The following SRPK2 variants were observed in gnomAD, a reference collection of about 807,000 sequenced individuals.
SRPK2 encodes SRSF protein kinase 2, also known as SFRS protein kinase 2.
A neutral mutation model predicts 90.8 loss-of-function variants in SRPK2; 21 were observed. That is an observed-to-expected ratio of 0.23 (90% CI 0.16 to 0.33). The LOEUF is 0.33. Among genes scored for constraint, SRPK2 ranks in the 10% least tolerant of loss-of-function variants. The probability of loss-of-function intolerance (pLI) is 1.00; values close to 1 mark genes in which losing one functional copy is unlikely to be tolerated. For missense variants in SRPK2, 620 were observed against 869.0 expected, an observed-to-expected ratio of 0.71 and a Z score of 3.60; for synonymous variants, 288 against 311.1, an observed-to-expected ratio of 0.93 and a Z score of 0.78.
chr7:105,282,772 G>C (rs562992298), intron 2 of SRPK2, among the ~76,000 whole-genome samples: 1 of 152,056 alleles, frequency 6.6e-6, no homozygotes, highest in Non-Finnish European at 1.5e-5. Flanking sequence ...CTGGGCAACA[G>C]AGTGAGACTC....
intron 2 of SRPK2, among the ~76,000 whole-genome samples, chr7:105,359,750 C>T (rs768902151): frequency 2.0e-5 from 3 of 152,152 alleles, no homozygotes; most frequent in Non-Finnish European, 2.9e-5. Context: ...CAACCCCCAC[C>T]TTTTTTGCCA....
chr7:105,181,384 T>C (rs899093092), intron 3 of SRPK2, among the ~76,000 whole-genome samples: 1 of 152,190 alleles, frequency 6.6e-6, no homozygotes, highest in Admixed American at 6.5e-5. Flanking sequence ...GAAAGGAATA[T>C]AAACTGTTCT....
At chr7:105,258,417 CAAAA>C (rs33941320) in intron 2 of SRPK2, among the ~76,000 whole-genome samples, 56 of 121,612 alleles carry the variant, frequency 4.6e-4, no homozygotes, top group Non-Finnish European at 5.8e-4. Flanking sequence ...AACTCGGTCT[CAAAA>C]AAAAAAAAAA....
At chr7:105,222,247 T>C (rs1189882233) in intron 2 of SRPK2, among the ~76,000 whole-genome samples, 1 of 152,246 alleles carries the variant, frequency 6.6e-6, no homozygotes, top group Non-Finnish European at 1.5e-5. Context: ...AAATTCTGTG[T>C]AGCACTCTAA....
chr7:105,298,650 AGGCCCCATAG>A, intron 2 of SRPK2: 2 of 839,694 alleles, frequency 2.4e-6, no homozygotes, highest in Non-Finnish European at 2.9e-6. Flanking sequence ...TCAAATAAAA[AGGCCCCATAG>A]GATAGCATGG....
chr7:105,340,242 G>A (rs1371436340), intron 2 of SRPK2, among the ~76,000 whole-genome samples: 3 of 145,070 alleles, frequency 2.1e-5, no homozygotes, highest in South Asian at 2.3e-4. Context: ...GCATTATGCC[G>A]TACCACAAAA....
chr7:105,120,895 C>T lies in SRPK2; in HGVS notation c.1916-2873G>A, dbSNP rs557938357. Among the ~76,000 whole-genome samples, 5 of 152,226 alleles carry T rather than the reference C, an allele frequency of 3.3e-5. No individual in the cohort carries two copies. The East Asian group carries it at 9.6e-4, about 29-fold the overall frequency. On this transcript the variant is annotated intron_variant, in intron 15 of 15. Coordinates refer to ENST00000393651, the MANE Select transcript of SRPK2 (RefSeq NM_182692.3). ...GGGCTCACTGAATGAGTGAGGGTCT[C>T]GAGTCCATGAGCCAGCTCCAGCCCT...
At chr7:105,369,123 ATT>A (rs1307826918) in intron 2 of SRPK2, among the ~76,000 whole-genome samples, 1 of 111,646 alleles carries the variant, frequency 9.0e-6, no homozygotes. Context: ...CACAAGATTT[ATT>A]TTATTATTAT....
intron 1 of SRPK2, among the ~76,000 whole-genome samples, chr7:105,397,531 T>C (rs1025302920): frequency 6.6e-6 from 1 of 151,712 alleles, no homozygotes. Context: ...GGTTTCACCA[T>C]ATTGGCGAGG....
At chr7:105,364,348 C>CA (rs1818772584) in intron 2 of SRPK2, among the ~76,000 whole-genome samples, 1 of 151,278 alleles carries the variant, frequency 6.6e-6, no homozygotes, top group Non-Finnish European at 1.5e-5. Flanking sequence ...GATGGTCTCT[C>CA]TATTGAGTTC....
intron 2 of SRPK2, among the ~76,000 whole-genome samples, chr7:105,282,044 C>T (rs759907452): frequency 4.6e-5 from 7 of 152,098 alleles, no homozygotes; most frequent in Non-Finnish European, 7.3e-5. Flanking sequence ...ACTCACACTT[C>T]GTAGTCAGTT....
intron 2 of SRPK2, among the ~76,000 whole-genome samples, chr7:105,337,896 G>A (rs1266655900): frequency 6.6e-6 from 1 of 151,946 alleles, no homozygotes; most frequent in Non-Finnish European, 1.5e-5. Context: ...TAATATGCAA[G>A]AGATATAACA....
chr7:105,332,290 T>G (rs1448577255), intron 2 of SRPK2, among the ~76,000 whole-genome samples: 1 of 152,180 alleles, frequency 6.6e-6, no homozygotes, highest in Non-Finnish European at 1.5e-5. Flanking sequence ...AACTGTAAAT[T>G]TGGTTGCTCT....
At chr7:105,273,794 G>A (rs1048122786) in intron 2 of SRPK2, among the ~76,000 whole-genome samples, 1 of 152,180 alleles carries the variant, frequency 6.6e-6, no homozygotes, top group African/African-American at 2.4e-5. Flanking sequence ...TGGCATATCA[G>A]ACACTGGTTG....
chr7:105,338,080 T>A (rs1205953407), intron 2 of SRPK2, among the ~76,000 whole-genome samples: 11 of 140,380 alleles, frequency 7.8e-5, no homozygotes, highest in Admixed American at 7.2e-5. Context: ...GAAAGAATAT[T>A]AAAAAAAAAA....
chr7:105,210,109 A>G (rs1167632788), intron 2 of SRPK2, among the ~76,000 whole-genome samples: 1 of 152,252 alleles, frequency 6.6e-6, no homozygotes, highest in Non-Finnish European at 1.5e-5. Flanking sequence ...ATTTCCTCTC[A>G]GCTGCTACTG....
At chr7:105,292,373 C>T (rs1340060156) in intron 2 of SRPK2, among the ~76,000 whole-genome samples, 1 of 151,686 alleles carries the variant, frequency 6.6e-6, no homozygotes, top group Non-Finnish European at 1.5e-5. Context: ...CTGGGTGTGG[C>T]GGCATATGCC....
At chr7:105,334,939 C>A (rs996509947) in intron 2 of SRPK2, among the ~76,000 whole-genome samples, 5 of 150,738 alleles carry the variant, frequency 3.3e-5, no homozygotes, top group African/African-American at 1.2e-4. Context: ...GAGGCCAAGG[C>A]GGGCAGATCA....
At chr7:105,160,282 T>A in intron 7 of SRPK2, 1 of 333,058 alleles carries the variant, frequency 3.0e-6, no homozygotes, top group East Asian at 4.6e-5. Context: ...AAAAAACGTA[T>A]GCCTGACAAT....
Sources: gnomAD v4.1 joint callset for allele counts (sites outside exome capture counted in the v4.1 genomes callset) on GRCh38, gnomAD v4.1.1 for gene constraint, MANE v1.5 for transcripts, NCBI Gene and HGNC (gene_info 2026-07-23, HGNC 2026-07-21) for gene names.